Variants in TNFAIP8L3 observed in about 807,000 individuals in gnomAD.
TNFAIP8L3 encodes TNF alpha induced protein 8 like 3.
TNFAIP8L3 carries 7 observed loss-of-function variants against 11.8 expected under a neutral mutation model. The observed-to-expected ratio is 0.59, with a 90% CI of 0.34 to 1.11. The LOEUF is 1.11. Ranked by LOEUF, TNFAIP8L3 falls within the 50% of genes most tolerant of loss-of-function variation. TNFAIP8L3 has a pLI of 0.03. For synonymous variants in TNFAIP8L3, 98 were observed against 103.8 expected, an observed-to-expected ratio of 0.94 and a Z score of 0.34; for missense variants, 219 against 258.6, an observed-to-expected ratio of 0.85 and a Z score of 1.05.
intron 1 of TNFAIP8L3, among the ~76,000 whole-genome samples, chr15:51,104,715 G>A (rs1361809858): frequency 6.6e-6 from 1 of 152,166 alleles, no homozygotes. Context: ...TATCCTCATG[G>A]GACCTTCTGG....
chr15:51,071,050 C>CAAAAAAAAAAAAAAA (rs55991711), intron 1 of TNFAIP8L3, among the ~76,000 whole-genome samples: 4 of 31,812 alleles, frequency 1.3e-4, no homozygotes, highest in African/African-American at 3.7e-4. Context: ...GACTCCGTCT[C>CAAAAAAAAAAAAAAA]AAAAAAAAAA....
intron 1 of TNFAIP8L3, among the ~76,000 whole-genome samples, chr15:51,093,506 G>A (rs2065487562): frequency 6.6e-6 from 1 of 152,202 alleles, no homozygotes; most frequent in African/African-American, 2.4e-5. Flanking sequence ...CCCACGGCTG[G>A]ACTGATGGTG....
At chr15:51,096,365 C>T (rs1297641049), upstream of TNFAIP8L3, among the ~76,000 whole-genome samples, 2 of 152,074 alleles carry the variant, frequency 1.3e-5, no homozygotes, top group Non-Finnish European at 2.9e-5. Context: ...CAAAAGAGCC[C>T]CACAGTGGAT....
At chr15:51,076,936 C>CT (rs1257330055) in intron 1 of TNFAIP8L3, among the ~76,000 whole-genome samples, 2 of 152,196 alleles carry the variant, frequency 1.3e-5, no homozygotes, top group Non-Finnish European at 2.9e-5. Flanking sequence ...CAGATGTGCG[C>CT]TGATGCCTGT....
chr15:51,064,415 C>G (rs1480439165), intron 1 of TNFAIP8L3, among the ~76,000 whole-genome samples: 1 of 152,064 alleles, frequency 6.6e-6, no homozygotes, highest in Admixed American at 6.5e-5. Flanking sequence ...AGTAAAGATA[C>G]CTGCATAGTT....
Position 51,058,216 on chromosome 15 carries a change from T to G in TNFAIP8L3, c.280A>C (p.Asn94His). The G allele has an allele frequency of 6.2e-7, 1 of 1,614,216 alleles. No homozygotes were observed. Among genetic ancestry groups the G allele is most frequent in the Non-Finnish European group, 8.5e-7 (1 of 1,180,036 alleles). Residue 94 changes from asparagine to histidine, a missense_variant, in exon 2 of 2, where the codon AAC becomes CAC. Physicochemically the swap from Asn to His is moderately conservative, Grantham distance 68. Coordinates refer to ENST00000637513, the MANE Select transcript of TNFAIP8L3 (RefSeq NM_001311175.2). ...VAIKIGILYR[N>H]NQFSQEELVI... ...AGCTCCTCTTGGCTAAACTGGTTGT[T>G]CCGGTAGAGGATCCCGATTTTGATC... is the stretch of plus-strand genomic sequence containing the variant.
chr15:51,070,970 G>T (rs2065304403), intron 1 of TNFAIP8L3, among the ~76,000 whole-genome samples: 1 of 142,004 alleles, frequency 7.0e-6, no homozygotes, highest in Non-Finnish European at 1.5e-5. Context: ...AGAATGGCGT[G>T]AACCCGGGAG....
chr15:51,067,695 T>C (rs1308217322), intron 1 of TNFAIP8L3, among the ~76,000 whole-genome samples: 1 of 152,240 alleles, frequency 6.6e-6, no homozygotes, highest in African/African-American at 2.4e-5. Flanking sequence ...CATATGTTTA[T>C]GTGTGCTTGG....
chr15:51,058,220 G>A lies in TNFAIP8L3; in HGVS notation c.276C>T (p.Tyr92=). 1.4e-5 allele frequency: 22 copies of A among 1,614,212 alleles called. No homozygotes were observed. The highest frequency in any genetic ancestry group is 1.9e-5 in the Non-Finnish European group (22 of 1,180,046). ...CCTCTTGGCTAAACTGGTTGTTCCG[G>A]TAGAGGATCCCGATTTTGATCGCCA... is the stretch of plus-strand genomic sequence containing the variant. ...IKVAIKIGIL[Y]RNNQFSQEEL... is the part of the protein sequence containing the mutation. Residue 92 remains tyrosine, a synonymous_variant, in exon 2 of 2, where the codon TAC becomes TAT. Coordinates refer to ENST00000637513, the MANE Select transcript of TNFAIP8L3 (RefSeq NM_001311175.2).
Position 51,057,802 on chromosome 15 carries a change from T to G in TNFAIP8L3, c.*79A>C, listed in dbSNP as rs1359831421. 5 of 1,258,328 alleles carry G rather than the reference T, an allele frequency of 4.0e-6. No homozygotes were observed. Among genetic ancestry groups the G allele is most frequent in the Non-Finnish European group, 5.5e-6 (5 of 904,368 alleles). 77.9% of individuals were successfully genotyped at this position (1,258,328 alleles called of 1,614,324 possible). On this transcript the variant is annotated 3_prime_UTR_variant, in exon 2 of 2. Coordinates refer to ENST00000637513, the MANE Select transcript of TNFAIP8L3 (RefSeq NM_001311175.2). ...GGACATCTTTGACAAGGGTTTCTGC[T>G]TATGTTCTTGATTCTCACCCAGATC...
intron 1 of TNFAIP8L3, among the ~76,000 whole-genome samples, chr15:51,071,167 T>C (rs1017210968): frequency 2.2e-5 from 3 of 134,384 alleles, no homozygotes; most frequent in South Asian, 2.3e-4. Context: ...ATAAACAAAA[T>C]AGAAGATAAT....
At position 51,094,768 on chromosome 15, in the gene TNFAIP8L3, C is replaced by CGGCGGCA; in HGVS notation, c.-174_-173insTGCCGCC. On this transcript the variant is annotated 5_prime_UTR_variant, in exon 1 of 2. Coordinates refer to ENST00000637513, the MANE Select transcript of TNFAIP8L3 (RefSeq NM_001311175.2). The surrounding 1 kb of genome is among the most constrained non-coding windows in gnomAD (Gnocchi z 4.4). Reference sequence around the variant, plus strand: ...CAGGGGGCGGCTCCGCAGAGGCGAGCGCCGCCGCGCCCCGCTCCCCGCGCC... The same window carrying CGGCGGCA: ...CAGGGGGCGGCTCCGCAGAGGCGAGCGGCGGCAGCCGCCGCGCCCCGCTCCCCGCGCC... 1 of 776,150 alleles carries CGGCGGCA rather than the reference C, an allele frequency of 1.3e-6. No individual in the cohort carries two copies. The highest frequency in any genetic ancestry group is 1.4e-6 in the Non-Finnish European group (1 of 710,208). The allele number at this position is 776,150 out of a possible 1,614,324, so 48.1% of individuals were successfully genotyped here.
chr15:51,091,187 T>C (rs1344528177), intron 1 of TNFAIP8L3, among the ~76,000 whole-genome samples: 1 of 152,206 alleles, frequency 6.6e-6, no homozygotes, highest in East Asian at 1.9e-4. Flanking sequence ...AGAAGCATCA[T>C]TCTGTGCTTC....
At chr15:51,102,570 G>A (rs571441935) in intron 1 of TNFAIP8L3, among the ~76,000 whole-genome samples, 1 of 152,322 alleles carries the variant, frequency 6.6e-6, no homozygotes, top group East Asian at 1.9e-4. Flanking sequence ...GTCGAGGGCT[G>A]TAGAAGGGGG....
At chr15:51,064,959 T>C (rs2140965195) in intron 1 of TNFAIP8L3, 1 of 152,336 alleles carries the variant, frequency 6.6e-6, no homozygotes, top group African/African-American at 2.4e-5. Context: ...TGGTAAAAAC[T>C]TCTCCTTCTG....
intron 1 of TNFAIP8L3, among the ~76,000 whole-genome samples, chr15:51,090,718 G>A (rs2065461980): frequency 6.6e-6 from 1 of 152,156 alleles, no homozygotes; most frequent in African/African-American, 2.4e-5. Flanking sequence ...GAGAGGAAGG[G>A]CAGAGTTAGG....
In TNFAIP8L3 at chr15:51,080,164, A is replaced by G. The variant is rs981376194; in HGVS notation, c.52+14380T>C. On this transcript the variant is annotated intron_variant, in intron 1 of 1. Transcript: ENST00000637513. ...TTTGCTTCTCTTTCAACATTTGGTT[A>G]AATCAAACTTCAGCGATGACATTAC... Among the ~76,000 whole-genome samples, 5 of 152,352 alleles carry G rather than the reference A, an allele frequency of 3.3e-5. No homozygotes were observed. In the East Asian group the frequency reaches 9.6e-4, roughly 29 times the overall value.
At chr15:51,077,150 A>G (rs1305790756) in intron 1 of TNFAIP8L3, among the ~76,000 whole-genome samples, 1 of 151,622 alleles carries the variant, frequency 6.6e-6, no homozygotes, top group African/African-American at 2.4e-5. Context: ...GGGGCCCTTG[A>G]CTCCTCCATT....
At chr15:51,064,812 C>G (rs1157382118) in intron 1 of TNFAIP8L3, 16 of 152,232 alleles carry the variant, frequency 1.1e-4, no homozygotes, top group Admixed American at 2.6e-4. Flanking sequence ...AGGAGGAATA[C>G]TGCAGGCTGA....
Sources: allele counts gnomAD v4.1 joint callset (sites outside exome capture counted in the v4.1 genomes callset), GRCh38; gene constraint gnomAD v4.1.1; non-coding constraint Gnocchi (gnomAD v3.1); transcripts MANE v1.5; gene names NCBI Gene and HGNC (gene_info 2026-07-23, HGNC 2026-07-21).